BRWD1: variants seen among roughly 807,000 people sequenced by gnomAD.
BRWD1 encodes bromodomain and WD repeat domain containing 1.
In BRWD1, 82 loss-of-function variants were observed where a neutral mutation model predicts 251.2. The observed-to-expected ratio is 0.33, with a 90% confidence interval of 0.27 to 0.39. The LOEUF is 0.39. BRWD1 is among the 10% of genes least tolerant of loss of function. BRWD1 has a pLI of 1.00. For missense variants in BRWD1, 2,233 were observed against 2,711.6 expected (o/e 0.82, Z 3.92); for synonymous variants, 918 against 902.8 (o/e 1.02, Z -0.30).
chr21:39,189,937 T>C lies in BRWD1; in HGVS notation c.*6322A>G. 1.0e-6 allele frequency: 1 copy of C among 985,318 alleles called. No individual in the cohort carries two copies. Among genetic ancestry groups the C allele is most frequent in the Non-Finnish European group, 1.2e-6 (1 of 829,888 alleles). 61.0% of individuals were successfully genotyped at this position (985,318 alleles called of 1,614,324 possible). A position where few individuals can be genotyped will look rare whatever the true frequency, so the allele number is the denominator to read the frequency against. On this transcript the variant is annotated 3_prime_UTR_variant, in exon 41 of 41. Transcript: ENST00000342449. ...CACCAGTCCTACTGCCTCAGATGAG[T>C]CTTGTTTCAGTCATGGGTTTACAAA...
At chr21:39,283,913 A>G (rs1239817887) in intron 8 of BRWD1, among the ~76,000 whole-genome samples, 2 of 152,186 alleles carry the variant, frequency 1.3e-5, no homozygotes, top group Admixed American at 6.5e-5. Context: ...AACAGTATGA[A>G]CTATGATTTC....
intron 4 of BRWD1, among the ~76,000 whole-genome samples, chr21:39,308,192 CAA>C (rs2036350783): frequency 6.6e-6 from 1 of 152,054 alleles, no homozygotes; most frequent in Non-Finnish European, 1.5e-5. Flanking sequence ...TTATAAGAAG[CAA>C]AAGTAGGCCT....
At chr21:39,309,846 A>G (rs987476444) in intron 4 of BRWD1, among the ~76,000 whole-genome samples, 1 of 148,824 alleles carries the variant, frequency 6.7e-6, no homozygotes, top group Non-Finnish European at 1.5e-5. Flanking sequence ...AAAAAAAAAG[A>G]CACCCAGGGA....
At position 39,276,165 on chromosome 21, in the gene BRWD1, A is replaced by G; in HGVS notation, c.1145+8T>C. ...ACACACACACACACATACAAAACAC[A>G]CACTTACCGATCACCATTGTTACAA... On this transcript the variant is annotated splice_region_variant and intron_variant, in intron 12 of 40. Transcript: ENST00000342449. 6.2e-7 allele frequency: 1 copy of G among 1,606,070 alleles called. No homozygotes were observed. The highest frequency in any genetic ancestry group is 8.5e-7 in the Non-Finnish European group (1 of 1,174,908).
rs1601283019 is a variant in BRWD1, at chr21:39,211,515, G to A, written c.3901-586C>T. Among the ~76,000 whole-genome samples the A allele has an allele frequency of 3.3e-5, 5 of 152,110 alleles. No homozygotes were observed. The South Asian group carries it at 1.0e-3, about 32-fold the overall frequency. On this transcript the variant is annotated intron_variant, in intron 34 of 40. Coordinates refer to ENST00000342449, the MANE Select transcript of BRWD1 (RefSeq NM_033656.4). ...GAAAGATGGAACAAGGTGACCTGGAGCCAAGGTGAGGACACCCACTAGAAG... is the reference window on the plus strand; with the variant it reads ...GAAAGATGGAACAAGGTGACCTGGAACCAAGGTGAGGACACCCACTAGAAG...
chr21:39,310,891 C>G (rs575302482), intron 4 of BRWD1, among the ~76,000 whole-genome samples: 77 of 152,126 alleles, frequency 5.1e-4, no homozygotes, highest in African/African-American at 1.8e-3. Flanking sequence ...TTTTAAAAGA[C>G]TTTGAAAGTT....
intron 37 of BRWD1, among the ~76,000 whole-genome samples, chr21:39,205,788 T>A (rs969086680): frequency 6.9e-6 from 1 of 145,546 alleles, no homozygotes; most frequent in Non-Finnish European, 1.5e-5. Flanking sequence ...AAATAAAAAA[T>A]AAATAAATAG....
chr21:39,316,364 T>G (rs2036698414), upstream of BRWD1, among the ~76,000 whole-genome samples: 1 of 152,172 alleles, frequency 6.6e-6, no homozygotes, highest in South Asian at 2.1e-4. Flanking sequence ...AGTAACTGCT[T>G]GCAACAACTT....
intron 15 of BRWD1, 95 bp downstream of exon 15, chr21:39,269,804 C>CA (rs1402819430): frequency 8.7e-7 from 1 of 1,145,266 alleles, no homozygotes; most frequent in African/African-American, 1.6e-5. Flanking sequence ...AACAAACTGC[C>CA]AAAACAAGCA....
At position 39,297,383 on chromosome 21, in the gene BRWD1, C is replaced by T. The variant is rs149227177; in HGVS notation, c.350-1020G>A. ...GTACAAAACAAACAGAGAATACGCC[C>T]CTACCCTAGGGCAGCTTGCTGAAGA... On this transcript the variant is annotated intron_variant, in intron 5 of 40. Transcript: ENST00000342449. 246 of 985,356 alleles carry T rather than the reference C, an allele frequency of 2.5e-4. 1 individual carries two copies. The African/African-American group carries it at 4.2e-3, about 17-fold the overall frequency. 61.0% of individuals were successfully genotyped at this position (985,356 alleles called of 1,614,324 possible). A position where few individuals can be genotyped will look rare whatever the true frequency, so the allele number is the denominator to read the frequency against.
intron 35 of BRWD1, 139 bp from the exon 36 acceptor site, chr21:39,210,286 T>TA (rs777295454): frequency 3.0e-6 from 2 of 677,236 alleles, no homozygotes; most frequent in Non-Finnish European, 4.8e-6. Flanking sequence ...TAGTAATGTT[T>TA]AAAAAGAGGT....
chr21:39,264,431 A>T (rs1272378192), intron 17 of BRWD1, 29 bp downstream of exon 17: 11 of 283,580 alleles, frequency 3.9e-5, no homozygotes, highest in East Asian at 1.0e-4. Context: ...ACAACTTTAA[A>T]AAAAAAAAAA....
At chr21:39,245,318 T>C (rs9974757) in intron 21 of BRWD1, among the ~76,000 whole-genome samples, 92,168 of 152,004 alleles carry the variant, frequency 0.61, 28,175 homozygotes, top group Admixed American at 0.66. Context: ...AGGCACTATT[T>C]AAACACATTG....
chr21:39,224,351 G>T, intron 29 of BRWD1, 57 bp downstream of exon 29: 2 of 1,054,276 alleles, frequency 1.9e-6, no homozygotes, highest in South Asian at 1.6e-5. Flanking sequence ...CATGTGCACT[G>T]GCAAATGTAC....
chr21:39,214,111 C>T (rs1223576660), intron 32 of BRWD1, among the ~76,000 whole-genome samples: 1 of 151,970 alleles, frequency 6.6e-6, no homozygotes, highest in Non-Finnish European at 1.5e-5. Context: ...ACGTATGAGT[C>T]TCCAAGACTT....
rs202015163 is a variant in BRWD1 at position 39,206,114 on chromosome 21, C to T, written c.4358G>A (p.Ser1453Asn). 28 of 1,605,620 alleles carry T rather than the reference C, an allele frequency of 1.7e-5. No homozygotes were observed. The highest frequency in any genetic ancestry group is 5.2e-5 in the Admixed American group (3 of 58,014). ...CTTGCCATAACCAGTTTACCTGATA[C>T]TTTTGTTAGGCTGACTGTCACCTTT... is the stretch of plus-strand genomic sequence containing the variant. ...NCKGDSQPNK[S>N]IRNLKPKRLK... is the part of the protein sequence containing the mutation. Residue 1453 changes from serine to asparagine, a missense_variant, in exon 37 of 41, where the codon AGT becomes AAT. Physicochemically the swap from Ser to Asn is conservative, Grantham distance 46 (BLOSUM62 1). Transcript: ENST00000342449.
chr21:39,190,275 T>C lies in BRWD1; in HGVS notation c.*5984A>G. 4.1e-6 allele frequency: 4 copies of C among 984,098 alleles called. No homozygotes were observed. Among genetic ancestry groups the C allele is most frequent in the Non-Finnish European group, 4.8e-6 (4 of 828,774 alleles). 61.0% of individuals were successfully genotyped at this position (984,098 alleles called of 1,614,324 possible). On this transcript the variant is annotated 3_prime_UTR_variant, in exon 41 of 41. Coordinates refer to ENST00000342449, the MANE Select transcript of BRWD1 (RefSeq NM_033656.4). ...TACCTTATTTACAGATTCTGCACAA[T>C]ATTTCATCATACAAAACTGTTTTCC...
intron 11 of BRWD1, 48 bp downstream of exon 11, chr21:39,277,203 A>G: frequency 7.3e-7 from 1 of 1,370,662 alleles, no homozygotes; most frequent in Non-Finnish European, 1.0e-6. Flanking sequence ...CAATAACAGG[A>G]ATAGTATTAA....
intron 13 of BRWD1, 105 bp downstream of exon 13, chr21:39,274,269 C>A (rs770639951): frequency 1.2e-6 from 1 of 864,928 alleles, no homozygotes; most frequent in Non-Finnish European, 1.9e-6. Flanking sequence ...AGCTATAATC[C>A]CCTCAACAAA....
Sources: gnomAD v4.1 joint callset for allele counts (sites outside exome capture counted in the v4.1 genomes callset) on GRCh38, gnomAD v4.1.1 for gene constraint, MANE v1.5 for transcripts, NCBI Gene and HGNC (gene_info 2026-07-23, HGNC 2026-07-21) for gene names.